Variants in DEUP1 observed in about 807,000 individuals in gnomAD.
The protein encoded by DEUP1 is deuterosome assembly protein 1, also known as coiled-coil domain containing 67.
A neutral mutation model predicts 87.4 loss-of-function variants in DEUP1; 82 were observed. That is an observed-to-expected ratio of 0.94 (90% CI 0.78 to 1.13). The LOEUF is 1.13. DEUP1 is among the 50% of genes most tolerant of loss of function. DEUP1 has a pLI of 0.00. For missense variants in DEUP1, 663 were observed against 681.5 expected (o/e 0.97, Z 0.30); for synonymous variants, 214 against 222.7 (o/e 0.96, Z 0.35).
chr11:93,371,408 C>T (rs972761068), intron 7 of DEUP1, 128 bp downstream of exon 7: 1 of 1,053,974 alleles, frequency 9.5e-7, no homozygotes, highest in Non-Finnish European at 1.3e-6. Flanking sequence ...ATTCATATTT[C>T]CTCTTAGTAA....
At chr11:93,388,554 C>G (rs1251254634) in intron 8 of DEUP1, among the ~76,000 whole-genome samples, 1 of 152,176 alleles carries the variant, frequency 6.6e-6, no homozygotes, top group Non-Finnish European at 1.5e-5. Flanking sequence ...TATTTGAGTA[C>G]TCTCTGGTTA....
At chr11:93,346,046 A>C (rs529149613) in intron 2 of DEUP1, among the ~76,000 whole-genome samples, 6 of 152,270 alleles carry the variant, frequency 3.9e-5, no homozygotes, top group Non-Finnish European at 8.8e-5. Context: ...GGTGTAAGGA[A>C]GGGATCCAGT....
At chr11:93,344,329 T>G (rs1178157285) in intron 2 of DEUP1, among the ~76,000 whole-genome samples, 1 of 152,190 alleles carries the variant, frequency 6.6e-6, no homozygotes, top group Non-Finnish European at 1.5e-5. Flanking sequence ...TATAGCCTAT[T>G]AACTAAGGCA....
chr11:93,416,173 AC>A (rs1357150114), intron 13 of DEUP1, among the ~76,000 whole-genome samples: 1 of 152,194 alleles, frequency 6.6e-6, no homozygotes, highest in African/African-American at 2.4e-5. Context: ...GCAAGAAATA[AC>A]CAAAATCAGA....
intron 2 of DEUP1, among the ~76,000 whole-genome samples, chr11:93,343,753 G>T (rs1944191388): frequency 6.6e-6 from 1 of 152,188 alleles, no homozygotes; most frequent in South Asian, 2.1e-4. Flanking sequence ...GGACTTGGAG[G>T]CTATGGCGTT....
At chr11:93,437,440 C>A (rs1948279346) in intron 13 of DEUP1, 103 bp from the exon 14 acceptor site, 3 of 788,454 alleles carry the variant, frequency 3.8e-6, no homozygotes, top group Non-Finnish European at 6.0e-6. Flanking sequence ...TCATTAAGAG[C>A]TGCGGTGTTT....
intron 6 of DEUP1, among the ~76,000 whole-genome samples, 179 bp downstream of exon 6, chr11:93,370,365 A>C (rs1214510541): frequency 6.6e-6 from 1 of 152,224 alleles, no homozygotes; most frequent in African/African-American, 2.4e-5. Context: ...TTTAGTCTAC[A>C]TGTCTCAAAG....
chr11:93,413,398 C>T (rs1211365280), intron 12 of DEUP1, among the ~76,000 whole-genome samples: 1 of 152,228 alleles, frequency 6.6e-6, no homozygotes, highest in Admixed American at 6.5e-5. Flanking sequence ...CCCGCCATCA[C>T]GCCAGGCTAA....
intron 7 of DEUP1, among the ~76,000 whole-genome samples, chr11:93,381,799 A>T (rs1946315660): frequency 6.6e-6 from 1 of 152,200 alleles, no homozygotes; most frequent in East Asian, 1.9e-4. Flanking sequence ...GAAGTCAAGA[A>T]AAATGAGTGA....
intron 11 of DEUP1, 38 bp from the exon 12 acceptor site, chr11:93,408,193 G>A: frequency 7.3e-7 from 1 of 1,372,686 alleles, no homozygotes; most frequent in Non-Finnish European, 9.8e-7. Flanking sequence ...TACTTATAAG[G>A]GGCAGTTTAT....
chr11:93,405,987 C>T (rs1039635347), intron 11 of DEUP1, among the ~76,000 whole-genome samples: 1 of 151,824 alleles, frequency 6.6e-6, no homozygotes, highest in Non-Finnish European at 1.5e-5. Context: ...CACGTATATT[C>T]GAATCTGAGG....
At chr11:93,345,121 G>A (rs999789109) in intron 2 of DEUP1, among the ~76,000 whole-genome samples, 10 of 151,930 alleles carry the variant, frequency 6.6e-5, no homozygotes, top group Admixed American at 5.2e-4. Flanking sequence ...TTAGTTTTCC[G>A]TTCCTTTGCT....
intron 7 of DEUP1, chr11:93,383,511 G>C (rs1946397638): frequency 4.9e-6 from 3 of 608,006 alleles, no homozygotes; most frequent in Non-Finnish European, 8.9e-6. Flanking sequence ...GTTTCCTTTG[G>C]GGATGATGAA....
chr11:93,366,264 T>G (rs1394078747), intron 5 of DEUP1, among the ~76,000 whole-genome samples: 1 of 152,182 alleles, frequency 6.6e-6, no homozygotes, highest in East Asian at 1.9e-4. Flanking sequence ...TCTGTGTGTA[T>G]GAAAATCTTC....
At chr11:93,338,002 G>T (rs1943859337) in intron 2 of DEUP1, among the ~76,000 whole-genome samples, 1 of 152,112 alleles carries the variant, frequency 6.6e-6, no homozygotes. Flanking sequence ...TAGTTGTATG[G>T]CACCTTGGAA....
Position 93,408,428 on chromosome 11 carries a change from G to A in DEUP1, c.1523+1G>A. The stretch of plus-strand genomic sequence containing the variant: ...TAAAAGTGGAACAAAATGAAGAGAG[G>A]TATGCTGGCTCCATTATATAAGGGC... On this transcript the variant is annotated splice_donor_variant, in intron 12 of 13. Coordinates refer to ENST00000298050, the MANE Select transcript of DEUP1 (RefSeq NM_181645.4). LOFTEE classifies it high-confidence loss of function. 6.6e-7 allele frequency: 1 copy of A among 1,519,514 alleles called. No individual in the cohort carries two copies. The highest frequency in any genetic ancestry group is 2.1e-5 in the Admixed American group (1 of 47,182). The allele number at this position is 1,519,514 out of a possible 1,614,324, so 94.1% of individuals were successfully genotyped here.
At chr11:93,405,988 G>A (rs576097210) in intron 11 of DEUP1, among the ~76,000 whole-genome samples, 5 of 151,996 alleles carry the variant, frequency 3.3e-5, no homozygotes, top group South Asian at 4.1e-4. Flanking sequence ...ACGTATATTC[G>A]AATCTGAGGA....
At chr11:93,366,323 G>T (rs564346982) in intron 5 of DEUP1, among the ~76,000 whole-genome samples, 1 of 152,128 alleles carries the variant, frequency 6.6e-6, no homozygotes, top group South Asian at 2.1e-4. Flanking sequence ...CCAACATATA[G>T]TAATCACTAA....
chr11:93,334,700 A>G (rs886457544), intron 2 of DEUP1, among the ~76,000 whole-genome samples: 5 of 152,206 alleles, frequency 3.3e-5, no homozygotes, highest in Non-Finnish European at 5.9e-5. Flanking sequence ...CTCTGATATC[A>G]TGGTTATAAC....
Sources: allele counts gnomAD v4.1 joint callset (sites outside exome capture counted in the v4.1 genomes callset), GRCh38; gene constraint gnomAD v4.1.1; transcripts MANE v1.5; gene names NCBI Gene and HGNC (gene_info 2026-07-23, HGNC 2026-07-21).